PTPRD: variants seen among roughly 807,000 people sequenced by gnomAD.
The protein encoded by PTPRD is receptor-type tyrosine-protein phosphatase delta.
PTPRD carries 34 observed loss-of-function variants against 214.5 expected under a neutral mutation model. That is an observed-to-expected ratio of 0.16 (90% CI 0.12 to 0.21). The LOEUF is 0.21. Ranked by LOEUF, PTPRD falls within the 10% of genes least tolerant of loss-of-function variation. The probability of loss-of-function intolerance (pLI) is 1.00; values close to 1 mark genes in which losing one functional copy is unlikely to be tolerated. For missense variants in PTPRD, 2,545 were observed against 2,398.7 expected (o/e 1.06, Z -1.27); for synonymous variants, 1,128 against 845.7 (o/e 1.33, Z -5.79).
intron 26 of PTPRD, among the ~76,000 whole-genome samples, chr9:8,495,004 G>C (rs1270366629): frequency 3.9e-5 from 6 of 152,138 alleles, no homozygotes; most frequent in African/African-American, 1.2e-4. Flanking sequence ...CTGAGGTTCT[G>C]TCACAGTCAC....
At chr9:10,543,337 C>T (rs2059527066) in intron 2 of PTPRD, among the ~76,000 whole-genome samples, 1 of 152,032 alleles carries the variant, frequency 6.6e-6, no homozygotes, top group Non-Finnish European at 1.5e-5. Flanking sequence ...ACCTTTATAA[C>T]AATCTAATTA....
intron 4 of PTPRD, among the ~76,000 whole-genome samples, chr9:9,949,570 G>C (rs1423160469): frequency 6.6e-6 from 1 of 152,050 alleles, no homozygotes; most frequent in Non-Finnish European, 1.5e-5. Flanking sequence ...ATACCAAAGG[G>C]AAAAATCATA....
intron 7 of PTPRD, among the ~76,000 whole-genome samples, chr9:9,707,874 C>T (rs1048030608): frequency 2.6e-5 from 4 of 151,948 alleles, no homozygotes; most frequent in African/African-American, 9.7e-5. Flanking sequence ...TTTTGAAATT[C>T]CTTAGTCCTG....
Position 8,341,986 on chromosome 9 carries a change from G to T in PTPRD, c.4662-8C>A, listed in dbSNP as rs1852844873. On this transcript the variant is annotated splice_region_variant and splice_polypyrimidine_tract_variant and intron_variant, in intron 39 of 45. Coordinates refer to ENST00000381196, the MANE Select transcript of PTPRD (RefSeq NM_002839.4). Reference sequence around the variant, plus strand: ...GTCCGGCCAACTCCCGCACTATGAGGAAAATAGAGAAGAAAAGCCCAAATA... The same window carrying T: ...GTCCGGCCAACTCCCGCACTATGAGTAAAATAGAGAAGAAAAGCCCAAATA... 3 of 1,580,082 alleles carry T rather than the reference G, an allele frequency of 1.9e-6. No homozygotes were observed. The highest frequency in any genetic ancestry group is 2.6e-6 in the Non-Finnish European group (3 of 1,166,342).
At chr9:10,169,880 C>T (rs1242385654) in intron 3 of PTPRD, among the ~76,000 whole-genome samples, 1 of 152,010 alleles carries the variant, frequency 6.6e-6, no homozygotes, top group Non-Finnish European at 1.5e-5. Flanking sequence ...AAGGTGATTC[C>T]AAGTGGGTCA....
chr9:10,126,709 A>G (rs2098822593), intron 3 of PTPRD, among the ~76,000 whole-genome samples: 1 of 152,108 alleles, frequency 6.6e-6, no homozygotes, highest in African/African-American at 2.4e-5. Flanking sequence ...CTGTCTAGAT[A>G]TTTAGAAGGG....
At position 9,779,078 on chromosome 9, in the gene PTPRD, C is replaced by CAAAAAAAAAAAAAAA. The variant is rs869120926; in HGVS notation, c.-367-12242_-367-12228dup. ...GCCATGTGATCTTTCATAAGACTGA[C>CAAAAAAAAAAAAAAA]AAAAAAAAAAAAAAAAAAAAAAAAA... On this transcript the variant is annotated intron_variant, in intron 5 of 45. Transcript: ENST00000381196. 6.5e-3 allele frequency among the ~76,000 whole-genome samples: 297 copies of CAAAAAAAAAAAAAAA among 45,456 alleles called. 46 individuals carry two copies. The highest frequency in any genetic ancestry group is 0.02 in the Middle Eastern group (1 of 50). 29.8% of individuals were successfully genotyped at this position (45,456 alleles called of 152,430 possible). A position where few individuals can be genotyped will look rare whatever the true frequency, so the allele number is the denominator to read the frequency against.
At chr9:10,291,181 T>C (rs2095517196) in intron 3 of PTPRD, among the ~76,000 whole-genome samples, 1 of 152,048 alleles carries the variant, frequency 6.6e-6, no homozygotes, top group African/African-American at 2.4e-5. Context: ...TGGGGCCTTT[T>C]CTCTTCCACT....
intron 7 of PTPRD, among the ~76,000 whole-genome samples, chr9:9,584,412 C>T (rs1249848676): frequency 5.3e-5 from 8 of 151,350 alleles, no homozygotes; most frequent in Admixed American, 4.6e-4. Context: ...CTCTATGTTG[C>T]TCATGTTTCA....
intron 8 of PTPRD, among the ~76,000 whole-genome samples, chr9:9,424,148 C>A (rs2079905732): frequency 6.6e-6 from 1 of 152,206 alleles, no homozygotes; most frequent in African/African-American, 2.4e-5. Context: ...CTTGAAGGGA[C>A]ATCCTAGCTC....
chr9:9,975,585 A>C (rs190650963), intron 4 of PTPRD, among the ~76,000 whole-genome samples: 21 of 152,334 alleles, frequency 1.4e-4, no homozygotes, highest in Non-Finnish European at 2.8e-4. Context: ...TACGTATTTT[A>C]ACAAAATTCT....
chr9:8,391,810 A>G (rs986192367), intron 36 of PTPRD, among the ~76,000 whole-genome samples: 1 of 152,126 alleles, frequency 6.6e-6, no homozygotes, highest in Non-Finnish European at 1.5e-5. Context: ...TGTCTGAACA[A>G]TGCATCTGAG....
At chr9:10,439,283 T>C (rs1033512256) in intron 2 of PTPRD, among the ~76,000 whole-genome samples, 29 of 151,832 alleles carry the variant, frequency 1.9e-4, no homozygotes, top group African/African-American at 4.8e-4. Flanking sequence ...AGAAAAAGGA[T>C]GCCCCAAGCA....
rs1567215696 is a variant in PTPRD at position 10,612,959 on chromosome 9, G to A, written c.-979C>T. On this transcript the variant is annotated 5_prime_UTR_variant, in exon 1 of 46. Coordinates refer to ENST00000381196, the MANE Select transcript of PTPRD (RefSeq NM_002839.4). ...AGCCGAGGCGGCCGCTCCCGCACTC[G>A]CTCGCTCGCTCGCTGGCGCTCCCTC... Among the ~76,000 whole-genome samples the A allele has an allele frequency of 1.3e-5, 2 of 151,134 alleles. No homozygotes were observed. The highest frequency in any genetic ancestry group is 4.8e-5 in the African/African-American group (2 of 41,268).
Position 10,556,286 on chromosome 9 carries a change from TC to T in PTPRD, c.-600+56111del. ...ATGTTAGGTAGAAATGTAAAATAAT[TC>T]GAAATTTTACAATGTATGTGATCTT... On this transcript the variant is annotated intron_variant, in intron 2 of 45. Transcript: ENST00000381196. Among the ~76,000 whole-genome samples the T allele has an allele frequency of 3.3e-5, 5 of 151,854 alleles. No homozygotes were observed. The Admixed American group carries it at 3.3e-4, about 10-fold the overall frequency.
rs566783849 is a variant in PTPRD, at chr9:9,584,800, G to A, written c.-286-10019C>T. Among the ~76,000 whole-genome samples the A allele has an allele frequency of 4.6e-5, 7 of 151,830 alleles. No homozygotes were observed. The East Asian group carries it at 1.2e-3, about 25-fold the overall frequency. ...TTTATCTTTATTTTCAACCTGTAAT[G>A]TCAAGGCTTATCTCTCTGGAGAACT... is the stretch of plus-strand genomic sequence containing the variant. On this transcript the variant is annotated intron_variant, in intron 7 of 45. Coordinates refer to ENST00000381196, the MANE Select transcript of PTPRD (RefSeq NM_002839.4).
At chr9:10,396,767 A>C (rs2098178730) in intron 2 of PTPRD, among the ~76,000 whole-genome samples, 2 of 152,026 alleles carry the variant, frequency 1.3e-5, no homozygotes, top group South Asian at 4.1e-4. Context: ...ATACTGAATA[A>C]AACTTGCTGA....
At chr9:10,600,918 G>T (rs957741310) in intron 2 of PTPRD, among the ~76,000 whole-genome samples, 1 of 151,572 alleles carries the variant, frequency 6.6e-6, no homozygotes, top group Non-Finnish European at 1.5e-5. Context: ...ACAGAGAAAA[G>T]GCAATTATAA....
At chr9:9,269,224 GT>G (rs1941681039) in intron 9 of PTPRD, among the ~76,000 whole-genome samples, 1 of 151,166 alleles carries the variant, frequency 6.6e-6, no homozygotes, top group African/African-American at 2.4e-5. Context: ...ACATTTTCAG[GT>G]TATGAAATGG....
Sources: allele counts gnomAD v4.1 joint callset (sites outside exome capture counted in the v4.1 genomes callset), GRCh38; gene constraint gnomAD v4.1.1; transcripts MANE v1.5; gene names NCBI Gene and HGNC (gene_info 2026-07-23, HGNC 2026-07-21).